LRRK2: variants seen among roughly 807,000 people sequenced by gnomAD.
LRRK2 encodes leucine-rich repeat serine/threonine-protein kinase 2.
In LRRK2, 203 loss-of-function variants were observed where a neutral mutation model predicts 302.6. The observed-to-expected ratio is 0.67, with a 90% CI of 0.60 to 0.75. LRRK2 has a LOEUF of 0.75. LRRK2 is among the 30% of genes least tolerant of loss of function. The pLI is 0.00. For missense variants in LRRK2, 2,830 were observed against 2,951.0 expected (o/e 0.96, Z 0.95); for synonymous variants, 1,066 against 1,031.9 (o/e 1.03, Z -0.63).
chr12:40,278,844 T>C (rs1339106594), intron 18 of LRRK2, among the ~76,000 whole-genome samples: 4 of 152,200 alleles, frequency 2.6e-5, no homozygotes, highest in Non-Finnish European at 5.9e-5. Context: ...AAATTATCTT[T>C]CTTTAAAGCC....
chr12:40,260,972 C>T (rs1277325231), intron 13 of LRRK2, among the ~76,000 whole-genome samples: 1 of 152,078 alleles, frequency 6.6e-6, no homozygotes, highest in Non-Finnish European at 1.5e-5. Flanking sequence ...TATTTTGTTT[C>T]TCTGTATAAG....
chr12:40,245,329 G>A (rs896488081), intron 7 of LRRK2, among the ~76,000 whole-genome samples: 12 of 152,004 alleles, frequency 7.9e-5, no homozygotes, highest in African/African-American at 2.7e-4. Flanking sequence ...CAGTCATGTG[G>A]TATATAAATA....
At chr12:40,245,734 T>C (rs548439969) in intron 7 of LRRK2, among the ~76,000 whole-genome samples, 2 of 152,252 alleles carry the variant, frequency 1.3e-5, no homozygotes, top group East Asian at 1.9e-4. Flanking sequence ...TTGTAAATGG[T>C]ATTTCTTTTT....
Position 40,287,504 on chromosome 12 carries a change from G to C in LRRK2, c.2654G>C (p.Ser885Thr). 6.2e-7 allele frequency: 1 copy of C among 1,612,552 alleles called. No homozygotes were observed. Among genetic ancestry groups the C allele is most frequent in the East Asian group, 2.2e-5 (1 of 44,840 alleles). Residue 885 changes from serine to threonine, a missense_variant, in exon 20 of 51, where the codon AGT (serine) becomes ACT (threonine). Around this residue, in one of 3 missense-constraint regions of LRRK2, gnomAD observed 2,121 missense variants for 2,148.0 expected, o/e 0.99. Transcript: ENST00000298910. ...TTTATTCCTGACTCTTCTATGGACAGTGTGTTTGCTCAAAGTGATGACCTG... is the reference window on the plus strand; with the variant it reads ...TTTATTCCTGACTCTTCTATGGACACTGTGTTTGCTCAAAGTGATGACCTG... Reference protein sequence around the residue: ...WTFIPDSSMDSVFAQSDDLDS... With the variant: ...WTFIPDSSMDTVFAQSDDLDS...
At chr12:40,342,304 A>C (rs995665649) in intron 41 of LRRK2, among the ~76,000 whole-genome samples, 1 of 152,060 alleles carries the variant, frequency 6.6e-6, no homozygotes, top group Middle Eastern at 3.2e-3. Flanking sequence ...ACCTGTCTAA[A>C]ATGTAATATC....
chr12:40,327,668 A>G (rs144215063), intron 38 of LRRK2, among the ~76,000 whole-genome samples: 23 of 152,212 alleles, frequency 1.5e-4, no homozygotes, highest in South Asian at 6.2e-4. Flanking sequence ...TAGGAAAATT[A>G]ATTTTGCAAG....
intron 3 of LRRK2, among the ~76,000 whole-genome samples, chr12:40,233,166 G>A (rs758656131): frequency 2.0e-5 from 3 of 152,068 alleles, no homozygotes; most frequent in Admixed American, 6.5e-5. Context: ...GCAGTGAGCC[G>A]AGATTGCACC....
chr12:40,261,972 G>T (rs1162776589), intron 13 of LRRK2, among the ~76,000 whole-genome samples: 1 of 152,060 alleles, frequency 6.6e-6, no homozygotes, highest in African/African-American at 2.4e-5. Context: ...TAATAATGAA[G>T]ACCCAGTTAC....
At chr12:40,321,519 C>T (rs1477661293) in intron 35 of LRRK2, among the ~76,000 whole-genome samples, 1 of 151,878 alleles carries the variant, frequency 6.6e-6, no homozygotes, top group Non-Finnish European at 1.5e-5. Context: ...AAAAAAAGAG[C>T]AAATCCGGTG....
chr12:40,320,863 A>G (rs1945381783), intron 34 of LRRK2, among the ~76,000 whole-genome samples, 171 bp from the exon 35 acceptor site: 1 of 152,052 alleles, frequency 6.6e-6, no homozygotes. Flanking sequence ...TGAATTGGTT[A>G]TTGACCACTG....
chr12:40,286,767 A>G (rs780266422), intron 19 of LRRK2: 1 of 155,254 alleles, frequency 6.4e-6, no homozygotes, highest in African/African-American at 2.4e-5. Context: ...TATTCTTCAT[A>G]GTAGAGCTAA....
At chr12:40,291,731 G>A (rs966011160) in intron 20 of LRRK2, among the ~76,000 whole-genome samples, 1 of 151,682 alleles carries the variant, frequency 6.6e-6, no homozygotes, top group African/African-American at 2.4e-5. Flanking sequence ...CAAATTGTTT[G>A]GTAGGATTTC....
chr12:40,276,097 A>G (rs1470813863), intron 16 of LRRK2, among the ~76,000 whole-genome samples: 2 of 152,204 alleles, frequency 1.3e-5, no homozygotes, highest in Non-Finnish European at 1.5e-5. Context: ...ACTGCTTTTC[A>G]TAATGTGCCT....
At chr12:40,228,177 C>G (rs969466394) in intron 2 of LRRK2, among the ~76,000 whole-genome samples, 8 of 152,174 alleles carry the variant, frequency 5.3e-5, no homozygotes, top group African/African-American at 2.4e-5. Flanking sequence ...TTCATCATGG[C>G]TGTGCTACTT....
At chr12:40,231,429 C>T (rs989767466) in intron 2 of LRRK2, among the ~76,000 whole-genome samples, 5 of 146,144 alleles carry the variant, frequency 3.4e-5, no homozygotes, top group African/African-American at 1.3e-4. Flanking sequence ...TGTGGTGGCA[C>T]ATACCTGTAG....
chr12:40,358,181 T>A (rs1255257530), intron 46 of LRRK2, among the ~76,000 whole-genome samples: 3 of 152,142 alleles, frequency 2.0e-5, no homozygotes, highest in African/African-American at 7.2e-5. Context: ...ATTTAATGGA[T>A]CCTCTCTATA....
At chr12:40,272,843 G>C (rs1193227672) in intron 14 of LRRK2, among the ~76,000 whole-genome samples, 1 of 152,042 alleles carries the variant, frequency 6.6e-6, no homozygotes, top group Non-Finnish European at 1.5e-5. Flanking sequence ...GAAATTAAAG[G>C]GTAGGGTGAC....
intron 40 of LRRK2, among the ~76,000 whole-genome samples, chr12:40,335,463 AAAGT>A (rs564972743): frequency 1.3e-5 from 2 of 152,190 alleles, no homozygotes; most frequent in East Asian, 1.9e-4. Flanking sequence ...TCACAGTATC[AAAGT>A]AAGTGTCAAT....
rs1427381198 is a variant in LRRK2, at chr12:40,302,793, T to C, written c.3501T>C (p.Ala1167=). 3 of 1,603,990 alleles carry C rather than the reference T, an allele frequency of 1.9e-6. No homozygotes were observed. Among genetic ancestry groups the C allele is most frequent in the East Asian group, 2.2e-5 (1 of 44,636 alleles). The change falls in exon 26 of 51, where the codon GCT becomes GCC. Residue 1167 remains alanine, a synonymous_variant. Transcript: ENST00000298910. The part of the protein sequence containing the change: ...SFSARMNFLA[A]MPFLPPSMTI... ...ATCTCATTTTTTTTCTTTTAGCTGC[T>C]ATGCCTTTCTTGCCTCCTTCTATGA...
Sources: allele counts gnomAD v4.1 joint callset (sites outside exome capture counted in the v4.1 genomes callset), GRCh38; gene constraint gnomAD v4.1.1; regional missense constraint gnomAD v4.1.1; transcripts MANE v1.5; gene names NCBI Gene and HGNC (gene_info 2026-07-23, HGNC 2026-07-21).